The following GNG7 variants were observed in gnomAD, a reference collection of about 807,000 sequenced individuals.
GNG7 encodes the protein guanine nucleotide-binding protein G(I)/G(S)/G(O) subunit gamma-7.
GNG7 carries 1 observed loss-of-function variant against 4.0 expected under a neutral mutation model. The ratio of observed to expected loss-of-function variants is 0.25; its 90% CI spans 0.09 to 1.18. The LOEUF (loss-of-function observed/expected upper bound fraction) is 1.18. Ranked by LOEUF, GNG7 falls within the 50% of genes most tolerant of loss-of-function variation. The pLI, the probability that GNG7 is intolerant of heterozygous loss-of-function variation, is 0.50. For missense variants in GNG7, 86 were observed against 91.9 expected (o/e 0.94, Z 0.26); for synonymous variants, 34 against 36.9 (o/e 0.92, Z 0.29).
intron 1 of GNG7, among the ~76,000 whole-genome samples, chr19:2,676,840 CAAAG>C (rs1334592738): frequency 1.3e-5 from 2 of 152,082 alleles, no homozygotes; most frequent in Non-Finnish European, 2.9e-5. Flanking sequence ...GTGCAAGACT[CAAAG>C]AGATGTGTGG....
intron 1 of GNG7, among the ~76,000 whole-genome samples, chr19:2,652,232 G>T (rs1038290333): frequency 2.6e-5 from 4 of 152,044 alleles, no homozygotes; most frequent in Non-Finnish European, 5.9e-5. Flanking sequence ...AGAACCTGGA[G>T]AATACGATGC....
chr19:2,554,129 GTATAT>G (rs1325161369), intron 3 of GNG7, among the ~76,000 whole-genome samples: 1 of 145,986 alleles, frequency 6.8e-6, no homozygotes, highest in Non-Finnish European at 1.5e-5. Flanking sequence ...TGATATAATA[GTATAT>G]TATAGCAGTG....
At chr19:2,700,933 G>A (rs1387242372) in intron 1 of GNG7, 1 of 152,034 alleles carries the variant, frequency 6.6e-6, no homozygotes, top group Non-Finnish European at 1.5e-5. Context: ...GGGATCCGCT[G>A]CCTCTGTTCA....
At chr19:2,581,737 T>A (rs1980511222) in intron 2 of GNG7, among the ~76,000 whole-genome samples, 1 of 152,236 alleles carries the variant, frequency 6.6e-6, no homozygotes, top group African/African-American at 2.4e-5. Flanking sequence ...AAACAACGCA[T>A]GAACCGTGTT....
intron 1 of GNG7, among the ~76,000 whole-genome samples, chr19:2,694,729 C>T (rs182729453): frequency 6.6e-5 from 10 of 152,014 alleles, no homozygotes; most frequent in Admixed American, 5.9e-4. Context: ...TCATGGGACG[C>T]GGAGTCTCTT....
intron 3 of GNG7, among the ~76,000 whole-genome samples, chr19:2,543,138 C>T (rs1979017996): frequency 6.6e-6 from 1 of 151,582 alleles, no homozygotes; most frequent in African/African-American, 2.4e-5. Flanking sequence ...AGGCTGGTCT[C>T]AAACTCCTGA....
intron 2 of GNG7, among the ~76,000 whole-genome samples, chr19:2,612,394 C>G (rs528002121): frequency 1.1e-4 from 16 of 152,196 alleles, no homozygotes; most frequent in African/African-American, 3.4e-4. Context: ...CATTTAAAAA[C>G]AGTTCCAGGG....
chr19:2,613,523 C>T (rs1371283924), intron 2 of GNG7, among the ~76,000 whole-genome samples: 1 of 152,188 alleles, frequency 6.6e-6, no homozygotes, highest in East Asian at 1.9e-4. Context: ...TCCTCTCTCC[C>T]TCCCCACTCA....
At chr19:2,671,770 C>T (rs866725961) in intron 1 of GNG7, among the ~76,000 whole-genome samples, 1 of 152,006 alleles carries the variant, frequency 6.6e-6, no homozygotes, top group African/African-American at 2.4e-5. Context: ...TTTTTAGTTT[C>T]ATTTTATTTT....
At chr19:2,548,285 C>G (rs1979193134) in intron 3 of GNG7, among the ~76,000 whole-genome samples, 1 of 151,716 alleles carries the variant, frequency 6.6e-6, no homozygotes, top group Non-Finnish European at 1.5e-5. Context: ...TCGAGACCAG[C>G]CTGGGCAACG....
At chr19:2,621,685 A>C (rs920054070) in intron 2 of GNG7, among the ~76,000 whole-genome samples, 14 of 151,828 alleles carry the variant, frequency 9.2e-5, no homozygotes, top group Non-Finnish European at 2.1e-4. Context: ...TGACAGAGCA[A>C]GACCTCATCT....
chr19:2,642,393 T>C (rs1982531909), intron 2 of GNG7: 1 of 268,422 alleles, frequency 3.7e-6, no homozygotes, highest in Non-Finnish European at 7.3e-6. Context: ...TTAGACAGGG[T>C]CTGGCTCTGT....
intron 1 of GNG7, among the ~76,000 whole-genome samples, chr19:2,666,050 G>A (rs897142093): frequency 1.3e-5 from 2 of 152,078 alleles, no homozygotes; most frequent in Admixed American, 1.3e-4. Flanking sequence ...ATTTTTAGTA[G>A]AGACAGGGTT....
intron 2 of GNG7, among the ~76,000 whole-genome samples, chr19:2,624,549 AAAAG>A (rs1159389044): frequency 1.3e-5 from 2 of 151,582 alleles, no homozygotes; most frequent in Non-Finnish European, 2.9e-5. Flanking sequence ...AAAAAAAAGA[AAAAG>A]AAAAAAAGAA....
chr19:2,656,804 G>C (rs1306128994), intron 1 of GNG7, among the ~76,000 whole-genome samples: 2 of 152,192 alleles, frequency 1.3e-5, no homozygotes, highest in Admixed American at 6.6e-5. Context: ...GCAACGCCAA[G>C]AATTTACCTC....
intron 2 of GNG7, among the ~76,000 whole-genome samples, chr19:2,577,125 A>C (rs1408375408): frequency 6.6e-6 from 1 of 152,238 alleles, no homozygotes; most frequent in Non-Finnish European, 1.5e-5. Flanking sequence ...CAGTGAGCTC[A>C]GTCTCTGTGT....
chr19:2,661,281 A>AGGAAG (rs1191625207), intron 1 of GNG7, among the ~76,000 whole-genome samples: 1,194 of 70,360 alleles, frequency 0.017, 35 homozygotes, highest in Non-Finnish European at 0.023. Flanking sequence ...AAAGAAAGAA[A>AGGAAG]GAAAGAAAGA....
intron 3 of GNG7, among the ~76,000 whole-genome samples, chr19:2,527,784 C>A (rs1267509083): frequency 1.3e-5 from 2 of 151,886 alleles, no homozygotes; most frequent in Admixed American, 6.5e-5. Flanking sequence ...ACCCCCCCCC[C>A]CACCAGTGCG....
chr19:2,600,468 ATTTTT>A (rs35232310), intron 2 of GNG7, among the ~76,000 whole-genome samples: 4 of 120,352 alleles, frequency 3.3e-5, no homozygotes, highest in Non-Finnish European at 1.8e-5. Flanking sequence ...GTATCTTGGC[ATTTTT>A]TTTTTTTTTT....
Sources: gnomAD v4.1 joint callset for allele counts (sites outside exome capture counted in the v4.1 genomes callset) on GRCh38, gnomAD v4.1.1 for gene constraint, MANE v1.5 for transcripts, NCBI Gene and HGNC (gene_info 2026-07-23, HGNC 2026-07-21) for gene names.